Variants in PCDHA8 observed in about 807,000 individuals in gnomAD.
PCDHA8 encodes the protein protocadherin alpha 8.
PCDHA8 carries 53 observed loss-of-function variants against 61.8 expected under a neutral mutation model. The observed-to-expected ratio is 0.86, with a 90% CI of 0.69 to 1.08. PCDHA8 has a LOEUF of 1.08. Ranked by LOEUF, PCDHA8 falls within the 50% of genes least tolerant of loss-of-function variation. PCDHA8 has a pLI of 0.00. For synonymous variants in PCDHA8, 618 were observed against 556.6 expected, an observed-to-expected ratio of 1.11 and a Z score of -1.55; for missense variants, 1,293 against 1,245.0, an observed-to-expected ratio of 1.04 and a Z score of -0.58.
At chr5:140,855,517 A>G (rs2043504995) in intron 1 of PCDHA8, among the ~76,000 whole-genome samples, 1 of 149,978 alleles carries the variant, frequency 6.7e-6, no homozygotes, top group Admixed American at 6.7e-5. Flanking sequence ...TCTCAAAATA[A>G]TGAGAAAGAG....
intron 1 of PCDHA8, among the ~76,000 whole-genome samples, chr5:140,894,640 C>T (rs1004479669): frequency 4.6e-5 from 7 of 151,788 alleles, no homozygotes; most frequent in Admixed American, 4.6e-4. Flanking sequence ...CATATCATTA[C>T]TGAGTCTCTC....
intron 1 of PCDHA8, among the ~76,000 whole-genome samples, chr5:140,902,752 C>A (rs782602670): frequency 2.0e-5 from 3 of 148,884 alleles, no homozygotes; most frequent in African/African-American, 7.3e-5. Flanking sequence ...TCCATTATAT[C>A]ATTCTTATGT....
chr5:140,925,935 CTCTTGGAG>C (rs35448813), intron 1 of PCDHA8, among the ~76,000 whole-genome samples: 7,062 of 152,190 alleles, frequency 0.046, 287 homozygotes, highest in African/African-American at 0.11. Context: ...CAAGTAGAGC[CTCTTGGAG>C]AAGGAGAAAC....
rs1165097192 is a variant in PCDHA8, at chr5:140,945,230, A to G, written c.2395-33719A>G. Among the ~76,000 whole-genome samples the G allele has an allele frequency of 2.6e-5, 4 of 152,290 alleles. No individual in the cohort carries two copies. In the East Asian group the frequency reaches 7.7e-4, roughly 29 times the overall value. On this transcript the variant is annotated intron_variant, in intron 1 of 3. Transcript: ENST00000531613. ...TATGAGAAAATAAAAATACTTAGGA[A>G]TAAATTTAACCAAGAGGATGAAAGA...
chr5:140,895,413 C>T (rs141941836), intron 1 of PCDHA8, among the ~76,000 whole-genome samples: 52 of 152,240 alleles, frequency 3.4e-4, no homozygotes, highest in African/African-American at 1.0e-3. Flanking sequence ...GCCCCATAAC[C>T]TTCTTTTGCT....
At chr5:140,917,598 G>A (rs2078274580) in intron 1 of PCDHA8, among the ~76,000 whole-genome samples, 1 of 152,174 alleles carries the variant, frequency 6.6e-6, no homozygotes, top group Non-Finnish European at 1.5e-5. Flanking sequence ...TGAAAGGAAG[G>A]GGTCCAGTTT....
chr5:140,882,560 C>G (rs150463901), intron 1 of PCDHA8: 2 of 1,614,168 alleles, frequency 1.2e-6, no homozygotes, highest in African/African-American at 2.7e-5. Context: ...GCTGTGTGGG[C>G]GGAGCGCGGA....
chr5:140,993,943 A>C (rs1055382423), intron 3 of PCDHA8, among the ~76,000 whole-genome samples: 1 of 152,220 alleles, frequency 6.6e-6, no homozygotes, highest in Admixed American at 6.5e-5. Flanking sequence ...CCCCATTGTT[A>C]AGTGATACAT....
chr5:140,980,102 C>A (rs782586995), intron 2 of PCDHA8, among the ~76,000 whole-genome samples: 1 of 152,192 alleles, frequency 6.6e-6, no homozygotes, highest in Non-Finnish European at 1.5e-5. Flanking sequence ...GGTAAGATGT[C>A]ACATTGGAAC....
intron 1 of PCDHA8, among the ~76,000 whole-genome samples, chr5:140,973,232 G>A (rs1307717074): frequency 6.6e-6 from 1 of 152,196 alleles, no homozygotes; most frequent in Non-Finnish European, 1.5e-5. Context: ...ATAGTGACCT[G>A]AAAGAGTTAA....
At chr5:140,992,416 C>T (rs3776107) in intron 3 of PCDHA8, among the ~76,000 whole-genome samples, 9,821 of 152,168 alleles carry the variant, frequency 0.065, 355 homozygotes, top group East Asian at 0.12. Context: ...TGCCCCAGGT[C>T]TAAGAATATT....
intron 1 of PCDHA8, among the ~76,000 whole-genome samples, chr5:140,974,079 G>A (rs1554235799): frequency 6.6e-6 from 1 of 152,180 alleles, no homozygotes. Flanking sequence ...CTATAACCAT[G>A]ACTTCAAAAA....
In PCDHA8 at chr5:141,010,929, T is replaced by G. The variant is rs782088449; in HGVS notation, c.*992T>G. 1 of 153,778 alleles carries G rather than the reference T, an allele frequency of 6.5e-6. No homozygotes were observed. Among genetic ancestry groups the G allele is most frequent in the Non-Finnish European group, 1.5e-5 (1 of 68,048 alleles). 9.5% of individuals were successfully genotyped at this position (153,778 alleles called of 1,614,324 possible). A position where few individuals can be genotyped will look rare whatever the true frequency, so the allele number is the denominator to read the frequency against. ...AAACTCTCCTCAAAAGAGAATTCAG[T>G]CTACAGCCATTTAAATGATCATTGC... On this transcript the variant is annotated 3_prime_UTR_variant, in exon 4 of 4. Transcript: ENST00000531613.
intron 1 of PCDHA8, among the ~76,000 whole-genome samples, chr5:140,879,793 C>T (rs1417873343): frequency 2.0e-5 from 3 of 152,192 alleles, no homozygotes; most frequent in Admixed American, 6.5e-5. Flanking sequence ...GTTTTTGTTT[C>T]TTCCAGTTTC....
chr5:140,891,374 A>G (rs960838202), intron 1 of PCDHA8, among the ~76,000 whole-genome samples: 11 of 151,996 alleles, frequency 7.2e-5, no homozygotes, highest in Non-Finnish European at 1.3e-4. Flanking sequence ...TATACATTGC[A>G]CCATATTTGC....
intron 1 of PCDHA8, chr5:140,853,042 C>T (rs1417504758): frequency 3.7e-6 from 1 of 269,692 alleles, no homozygotes; most frequent in African/African-American, 2.3e-5. Flanking sequence ...CCATGCCCGC[C>T]TAATTTTTTT....
intron 1 of PCDHA8, chr5:140,866,780 G>C (rs1327991487): frequency 6.6e-6 from 1 of 152,092 alleles, no homozygotes; most frequent in Admixed American, 6.6e-5. Flanking sequence ...TGTATGTCCT[G>C]ACTGATATAG....
intron 1 of PCDHA8, among the ~76,000 whole-genome samples, chr5:140,975,536 A>G (rs957684886): frequency 2.0e-5 from 3 of 152,226 alleles, no homozygotes; most frequent in Admixed American, 1.3e-4. Flanking sequence ...TATTCTTAAT[A>G]CAGTCCTATT....
chr5:140,959,642 A>G (rs1352450996), intron 1 of PCDHA8, among the ~76,000 whole-genome samples: 7 of 152,230 alleles, frequency 4.6e-5, no homozygotes, highest in African/African-American at 1.7e-4. Flanking sequence ...GAAAAAACAC[A>G]GAAGCAAAAT....
Sources: allele counts gnomAD v4.1 joint callset (sites outside exome capture counted in the v4.1 genomes callset), GRCh38; gene constraint gnomAD v4.1.1; transcripts MANE v1.5; gene names NCBI Gene and HGNC (gene_info 2026-07-23, HGNC 2026-07-21).